Variants in N4BP2 observed in about 807,000 individuals in gnomAD.
N4BP2 encodes the protein NEDD4 binding protein 2.
In N4BP2, 91 loss-of-function variants were observed where a neutral mutation model predicts 152.8. The observed-to-expected ratio is 0.60, with a 90% CI of 0.50 to 0.71. The LOEUF (loss-of-function observed/expected upper bound fraction) is 0.71. Among genes scored for constraint, N4BP2 ranks in the 30% least tolerant of loss-of-function variants. The pLI is 0.00. For missense variants in N4BP2, 1,923 were observed against 2,059.1 expected (o/e 0.93, Z 1.28); for synonymous variants, 646 against 705.3 (o/e 0.92, Z 1.33).
Position 40,106,934 on chromosome 4 carries a change from C to G in N4BP2, c.1408C>G (p.Leu470Val). The change falls in exon 5 of 18, where the codon CTT (leucine) becomes GTT (valine). Residue 470 changes from leucine (L) to valine (V), a missense_variant. Leu to Val is a conservative substitution (Grantham distance 32). Coordinates refer to ENST00000261435, the MANE Select transcript of N4BP2 (RefSeq NM_018177.6). ...AGAGGATAATCCAAGTGGAGTCATT[C>G]TTAGTACTGATGATTATTTTTATAT... ...LQEDNPSGVI[L>V]STDDYFYING... 1 of 1,611,694 alleles carries G rather than the reference C, an allele frequency of 6.2e-7. No homozygotes were observed. Among genetic ancestry groups the G allele is most frequent in the Non-Finnish European group, 8.5e-7 (1 of 1,178,022 alleles).
the N4BP2 span, among the ~76,000 whole-genome samples, chr4:40,176,583 T>C: frequency 6.6e-6 from 1 of 152,220 alleles, no homozygotes; most frequent in Admixed American, 6.5e-5. Flanking sequence ...ATTAAGGCAC[T>C]GAAGTCACTC....
chr4:40,064,735 T>G (rs893485023), intron 1 of N4BP2, among the ~76,000 whole-genome samples: 5 of 152,232 alleles, frequency 3.3e-5, no homozygotes, highest in South Asian at 2.1e-4. Flanking sequence ...TGGGAAACTT[T>G]CCTAAAGAAA....
chr4:40,104,814 T>C (rs1405882005), intron 4 of N4BP2, among the ~76,000 whole-genome samples: 3 of 151,116 alleles, frequency 2.0e-5, no homozygotes, highest in East Asian at 3.9e-4. Context: ...TGTCTTTTTT[T>C]TTTTTTTGGA....
intron 4 of N4BP2, among the ~76,000 whole-genome samples, chr4:40,106,500 A>G (rs989777713): frequency 4.6e-5 from 7 of 151,932 alleles, no homozygotes; most frequent in Non-Finnish European, 1.0e-4. Flanking sequence ...TCTTTTTTGT[A>G]TAGTTGGGTT....
chr4:40,148,655 T>C lies in N4BP2; in HGVS notation c.5143+3855T>C, dbSNP rs543398982. On this transcript the variant is annotated intron_variant, in intron 16 of 17. Transcript: ENST00000261435. Reference sequence around the variant, plus strand: ...CTTTTAAAAAATTTTTAATTAAATTTTTATTTTTATTTAAAAGAAATAGGA... The same window carrying C: ...CTTTTAAAAAATTTTTAATTAAATTCTTATTTTTATTTAAAAGAAATAGGA... 3.2e-4 allele frequency among the ~76,000 whole-genome samples: 48 copies of C among 152,286 alleles called. No individual in the cohort carries two copies. In the East Asian group the frequency reaches 3.5e-3, roughly 11 times the overall value.
Position 40,127,700 on chromosome 4 carries a change from G to A in N4BP2, c.4527+1370G>A, listed in dbSNP as rs552192917. ...TTTTGAGATGGAGTCTCGCTCTGTC[G>A]CCCAGGCTGGAGTGCAGTGGTGCGA... On this transcript the variant is annotated intron_variant, in intron 12 of 17. Transcript: ENST00000261435. Among the ~76,000 whole-genome samples, 9 of 151,868 alleles carry A rather than the reference G, an allele frequency of 5.9e-5. No homozygotes were observed. The East Asian group carries it at 1.2e-3, about 20-fold the overall frequency.
rs765366087 is a variant in N4BP2 at position 40,106,968 on chromosome 4, A to G, written c.1442A>G (p.Gln481Arg). 50 of 1,613,016 alleles carry G rather than the reference A, an allele frequency of 3.1e-5. No homozygotes were observed. Among genetic ancestry groups the G allele is most frequent in the Non-Finnish European group, 4.1e-5 (48 of 1,179,134 alleles). ...GATGATTATTTTTATATAAATGGAC[A>G]GTACCAGTTTGATGTAAAGTACTTA... The part of the protein sequence containing the change: ...STDDYFYING[Q>R]YQFDVKYLGE... Residue 481 changes from glutamine (Q) to arginine (R), a missense_variant, in exon 5 of 18, where the codon CAG becomes CGG. Coordinates refer to ENST00000261435, the MANE Select transcript of N4BP2 (RefSeq NM_018177.6).
At chr4:40,168,137 T>C in the N4BP2 span, among the ~76,000 whole-genome samples, 1 of 152,042 alleles carries the variant, frequency 6.6e-6, no homozygotes, top group Non-Finnish European at 1.5e-5. Context: ...AACTTGATCA[T>C]ACCAGTATAT....
intron 2 of N4BP2, among the ~76,000 whole-genome samples, chr4:40,079,783 CAG>C (rs1480192279): frequency 6.6e-6 from 1 of 151,952 alleles, no homozygotes. Context: ...GCCTGGGTGA[CAG>C]AGGGAGACTG....
chr4:40,139,409 T>G (rs1053916667), intron 14 of N4BP2, among the ~76,000 whole-genome samples: 1 of 152,054 alleles, frequency 6.6e-6, no homozygotes, highest in African/African-American at 2.4e-5. Context: ...GAATTATGCA[T>G]TAATTTTATT....
chr4:40,060,877 A>T (rs577801437), intron 1 of N4BP2, among the ~76,000 whole-genome samples: 5 of 152,230 alleles, frequency 3.3e-5, no homozygotes, highest in African/African-American at 7.2e-5. Context: ...GTTGCTGGGA[A>T]TATGGGCCCG....
At chr4:40,099,191 A>G (rs1715383641) in intron 3 of N4BP2, among the ~76,000 whole-genome samples, 2 of 152,168 alleles carry the variant, frequency 1.3e-5, no homozygotes, top group Non-Finnish European at 1.5e-5. Flanking sequence ...CCAGGCTTGC[A>G]TAAGTGTAGT....
the N4BP2 span, among the ~76,000 whole-genome samples, chr4:40,190,453 A>G: frequency 1.3e-5 from 2 of 152,238 alleles, no homozygotes; most frequent in Admixed American, 1.3e-4. Context: ...TTGTGACAAT[A>G]AACACATGAC....
chr4:40,174,207 T>C, the N4BP2 span, among the ~76,000 whole-genome samples: 2 of 151,676 alleles, frequency 1.3e-5, no homozygotes, highest in East Asian at 3.9e-4. Flanking sequence ...CAAGACACTG[T>C]CTCTACAAAA....
intron 16 of N4BP2, among the ~76,000 whole-genome samples, chr4:40,146,869 CTTTTTT>C (rs33993973): frequency 3.3e-5 from 3 of 90,066 alleles, no homozygotes; most frequent in African/African-American, 4.5e-5. Context: ...ATGTGTTTGG[CTTTTTT>C]TTTTTTTTTT....
chr4:40,142,026 G>A (rs563274978), intron 14 of N4BP2, among the ~76,000 whole-genome samples: 3 of 150,578 alleles, frequency 2.0e-5, no homozygotes, highest in East Asian at 2.0e-4. Flanking sequence ...GCAGTGAGCC[G>A]AGATGGCAGC....
chr4:40,093,487 A>G (rs926622804), intron 2 of N4BP2, among the ~76,000 whole-genome samples: 1 of 151,688 alleles, frequency 6.6e-6, no homozygotes, highest in Non-Finnish European at 1.5e-5. Context: ...GCTCACTGCA[A>G]CCTTTGCTTC....
chr4:40,188,974 G>A, the N4BP2 span, among the ~76,000 whole-genome samples: 4 of 151,278 alleles, frequency 2.6e-5, no homozygotes, highest in African/African-American at 4.9e-5. Context: ...GCAAAACCCC[G>A]TCTCTACTAA....
rs867609711 is a variant in N4BP2, at chr4:40,116,360, G to A, written c.1665-1509G>A. On this transcript the variant is annotated intron_variant, in intron 7 of 17. Transcript: ENST00000261435. Reference sequence around the variant, plus strand: ...TCATTCTGTGCTTTTTGTTTATCTCGCCTTTTCTGTGATTGTTCTTCTATT... The same window carrying A: ...TCATTCTGTGCTTTTTGTTTATCTCACCTTTTCTGTGATTGTTCTTCTATT... 5.3e-5 allele frequency among the ~76,000 whole-genome samples: 8 copies of A among 151,764 alleles called. No individual in the cohort carries two copies. The South Asian group carries it at 1.0e-3, about 20-fold the overall frequency.
Sources: gnomAD v4.1 joint callset for allele counts (sites outside exome capture counted in the v4.1 genomes callset) on GRCh38, gnomAD v4.1.1 for gene constraint, MANE v1.5 for transcripts, NCBI Gene and HGNC (gene_info 2026-07-23, HGNC 2026-07-21) for gene names.